Variants in RAPGEF5 observed in about 807,000 individuals in gnomAD.
RAPGEF5 encodes the protein Rap guanine nucleotide exchange factor 5.
RAPGEF5 carries 65 observed loss-of-function variants against 125.2 expected under a neutral mutation model. That is an observed-to-expected ratio of 0.52 (90% CI 0.43 to 0.64). The LOEUF (loss-of-function observed/expected upper bound fraction) is 0.64, where lower values mean the gene tolerates loss of function less well. RAPGEF5 is among the 30% of genes least tolerant of loss of function. The pLI is 0.00. For synonymous variants in RAPGEF5, 391 were observed against 385.9 expected, an observed-to-expected ratio of 1.01 and a Z score of -0.16; for missense variants, 958 against 1,048.1, an observed-to-expected ratio of 0.91 and a Z score of 1.19.
chr7:22,328,835 A>G (rs1211813100), intron 1 of RAPGEF5, among the ~76,000 whole-genome samples: 1 of 152,232 alleles, frequency 6.6e-6, no homozygotes, highest in Non-Finnish European at 1.5e-5. Context: ...CCCCAAAAGC[A>G]GGATGCTGTG....
intron 1 of RAPGEF5, 60 bp from the exon 2 acceptor site, chr7:22,318,097 T>G (rs10950897): frequency 0.6 from 874,602 of 1,464,620 alleles, 263,995 homozygotes; most frequent in East Asian, 0.91. Flanking sequence ...TACCAAAAAA[T>G]GAAAACATAA....
chr7:22,146,772 G>A, intron 19 of RAPGEF5, 125 bp downstream of exon 19: 2 of 1,199,604 alleles, frequency 1.7e-6, no homozygotes, highest in Non-Finnish European at 2.2e-6. Flanking sequence ...TATATTTCAA[G>A]TCCCCAAATA....
At chr7:22,341,232 G>C (rs1008092187) in intron 1 of RAPGEF5, among the ~76,000 whole-genome samples, 6 of 152,228 alleles carry the variant, frequency 3.9e-5, no homozygotes, top group Non-Finnish European at 5.9e-5. Flanking sequence ...AAAAGAGCTT[G>C]TGCAGGGAAA....
chr7:22,179,363 C>T (rs1784603797), intron 11 of RAPGEF5, among the ~76,000 whole-genome samples: 2 of 152,094 alleles, frequency 1.3e-5, no homozygotes, highest in African/African-American at 4.8e-5. Flanking sequence ...TCAAATCAGA[C>T]ATAAGAAAAG....
chr7:22,130,784 T>A (rs537381710), intron 24 of RAPGEF5, among the ~76,000 whole-genome samples: 2 of 152,214 alleles, frequency 1.3e-5, no homozygotes, highest in Non-Finnish European at 2.9e-5. Context: ...ATTCCATTTT[T>A]AAAAACAAAA....
chr7:22,184,917 G>A (rs930269526), intron 11 of RAPGEF5, among the ~76,000 whole-genome samples: 6 of 152,094 alleles, frequency 3.9e-5, no homozygotes, highest in Admixed American at 3.9e-4. Context: ...CTGGAACTAG[G>A]ACCTCTCTCT....
At chr7:22,235,706 A>AT (rs751091872) in intron 7 of RAPGEF5, among the ~76,000 whole-genome samples, 10 of 151,998 alleles carry the variant, frequency 6.6e-5, no homozygotes, top group Non-Finnish European at 1.2e-4. Context: ...ATAATCAGCT[A>AT]TTTTTTGTAC....
chr7:22,254,608 C>CAAAAAAAAAA (rs11330777), intron 7 of RAPGEF5, among the ~76,000 whole-genome samples: 1 of 83,020 alleles, frequency 1.2e-5, no homozygotes. Flanking sequence ...AACTCCGTCT[C>CAAAAAAAAAA]AAAAAAAAAA....
chr7:22,352,514 G>A (rs146781285), intron 1 of RAPGEF5, among the ~76,000 whole-genome samples: 198 of 152,214 alleles, frequency 1.3e-3, no homozygotes, highest in African/African-American at 4.3e-3. Flanking sequence ...AATATCTTGC[G>A]TCAGAAAAGT....
intron 6 of RAPGEF5, among the ~76,000 whole-genome samples, chr7:22,289,099 A>C (rs1039524778): frequency 6.6e-6 from 1 of 152,204 alleles, no homozygotes; most frequent in Non-Finnish European, 1.5e-5. Context: ...CAGTGTCTGC[A>C]GTGAAGCTTT....
rs141061312 is a variant in RAPGEF5 at position 22,261,432 on chromosome 7, C to T, written c.796+5532G>A. 5.2e-3 allele frequency among the ~76,000 whole-genome samples: 798 copies of T among 152,104 alleles called. 3 individuals carry two copies. The highest frequency in any genetic ancestry group is 8.8e-3 in the Non-Finnish European group (596 of 67,996). On this transcript the variant is annotated intron_variant, in intron 7 of 25. Coordinates refer to ENST00000665637, the MANE Select transcript of RAPGEF5 (RefSeq NM_012294.5). ...CTGAACAACAAAGCAAAACCCCTCT[C>T]TACCAAAAATAAAAAAATAAAAAAA...
chr7:22,257,226 CT>C (rs1412066672), intron 7 of RAPGEF5, among the ~76,000 whole-genome samples: 9 of 152,122 alleles, frequency 5.9e-5, no homozygotes, highest in African/African-American at 2.2e-4. Flanking sequence ...ATTTTAAATA[CT>C]TTTTTATTTG....
intron 7 of RAPGEF5, among the ~76,000 whole-genome samples, chr7:22,241,906 T>G (rs535782200): frequency 6.6e-6 from 1 of 152,260 alleles, no homozygotes; most frequent in South Asian, 2.1e-4. Context: ...TTACCTTTCT[T>G]TGCATATCAT....
intron 7 of RAPGEF5, among the ~76,000 whole-genome samples, chr7:22,252,779 G>C (rs1786657086): frequency 6.6e-6 from 1 of 152,142 alleles, no homozygotes; most frequent in African/African-American, 2.4e-5. Flanking sequence ...ATCCCAGTGG[G>C]AGAGTTAGAA....
intron 9 of RAPGEF5, among the ~76,000 whole-genome samples, chr7:22,198,579 A>T (rs1277536715): frequency 6.6e-6 from 1 of 152,208 alleles, no homozygotes; most frequent in East Asian, 1.9e-4. Flanking sequence ...TTAATACCTA[A>T]TATAATTTTA....
intron 11 of RAPGEF5, among the ~76,000 whole-genome samples, chr7:22,174,255 A>G (rs1324420065): frequency 6.6e-6 from 1 of 152,168 alleles, no homozygotes; most frequent in African/African-American, 2.4e-5. Context: ...TGAATTTCCA[A>G]GAAGAATTGG....
chr7:22,206,537 A>G (rs1785400630), intron 9 of RAPGEF5, among the ~76,000 whole-genome samples: 1 of 152,006 alleles, frequency 6.6e-6, no homozygotes, highest in African/African-American at 2.4e-5. Context: ...CCTTGTCTCT[A>G]CAAAAATACC....
intron 1 of RAPGEF5, among the ~76,000 whole-genome samples, chr7:22,325,755 C>T (rs1486322134): frequency 6.6e-6 from 1 of 151,998 alleles, no homozygotes; most frequent in Non-Finnish European, 1.5e-5. Flanking sequence ...GTAGAGACGA[C>T]GTCTCACTAT....
intron 13 of RAPGEF5, 76 bp downstream of exon 13, chr7:22,162,321 T>C (rs1207937195): frequency 1.4e-6 from 2 of 1,433,668 alleles, no homozygotes; most frequent in African/African-American, 1.4e-5. Flanking sequence ...TACCTACAAA[T>C]GAGATTTTTA....
Sources: gnomAD v4.1 joint callset for allele counts (sites outside exome capture counted in the v4.1 genomes callset) on GRCh38, gnomAD v4.1.1 for gene constraint, MANE v1.5 for transcripts, NCBI Gene and HGNC (gene_info 2026-07-23, HGNC 2026-07-21) for gene names.